Variants in TCERG1L observed in about 807,000 individuals in gnomAD.
TCERG1L encodes transcription elongation regulator 1 like, also known as transcription elongation regulator 1-like protein.
In TCERG1L, 37 loss-of-function variants were observed where a neutral mutation model predicts 56.3. That is an observed-to-expected ratio of 0.66 (90% confidence interval 0.51 to 0.87). The LOEUF is 0.87. Ranked by LOEUF, TCERG1L falls within the 40% of genes least tolerant of loss-of-function variation. TCERG1L has a pLI of 0.00. For missense variants in TCERG1L, 799 were observed against 774.2 expected, an observed-to-expected ratio of 1.03 and a Z score of -0.38; for synonymous variants, 324 against 326.3, an observed-to-expected ratio of 0.99 and a Z score of 0.08.
intron 4 of TCERG1L, among the ~76,000 whole-genome samples, chr10:131,183,692 C>A (rs1184996532): frequency 6.6e-6 from 1 of 152,244 alleles, no homozygotes; most frequent in Non-Finnish European, 1.5e-5. Context: ...CCGCCACTGA[C>A]TCCCCCCTCA....
chr10:131,100,028 T>C (rs1845290026), intron 10 of TCERG1L, among the ~76,000 whole-genome samples: 1 of 152,070 alleles, frequency 6.6e-6, no homozygotes. Flanking sequence ...CACGCCCAGC[T>C]AATTTTTTTT....
Position 131,134,446 on chromosome 10 carries a change from C to A in TCERG1L, c.1192G>T (p.Asp398Tyr). Reference sequence around the variant, plus strand: ...TCAGAACTGGACCCATCGCTGTTGTCAGCTGAAAGAAAATCAGATGAACAG... The same window carrying A: ...TCAGAACTGGACCCATCGCTGTTGTAAGCTGAAAGAAAATCAGATGAACAG... ...HKRKLEAPAT[D>Y]NSDGSSSEDN... Residue 398 changes from aspartate to tyrosine, a missense_variant and splice_region_variant, in exon 8 of 12, where the codon GAC becomes TAC. Asp to Tyr is a radical substitution (Grantham distance 160). Transcript: ENST00000368642. The A allele has an allele frequency of 6.3e-7, 1 of 1,589,214 alleles. No homozygotes were observed. Among genetic ancestry groups the A allele is most frequent in the South Asian group, 1.2e-5 (1 of 86,760 alleles).
chr10:131,105,852 T>C (rs1845347570), intron 9 of TCERG1L, among the ~76,000 whole-genome samples: 1 of 152,232 alleles, frequency 6.6e-6, no homozygotes, highest in South Asian at 2.1e-4. Flanking sequence ...CTGCTCAGCT[T>C]CTTTGAGGTT....
chr10:131,268,751 C>T (rs1846309857), intron 3 of TCERG1L, among the ~76,000 whole-genome samples: 1 of 152,222 alleles, frequency 6.6e-6, no homozygotes, highest in Non-Finnish European at 1.5e-5. Flanking sequence ...CCTCATGCAT[C>T]ACCTCTGTTA....
chr10:131,249,282 A>C (rs1263932737), intron 4 of TCERG1L, among the ~76,000 whole-genome samples: 1 of 152,254 alleles, frequency 6.6e-6, no homozygotes, highest in Non-Finnish European at 1.5e-5. Context: ...TCACTGTTGA[A>C]GAAAAATAAA....
At chr10:131,230,161 A>G (rs970875104) in intron 4 of TCERG1L, among the ~76,000 whole-genome samples, 1 of 152,008 alleles carries the variant, frequency 6.6e-6, no homozygotes, top group African/African-American at 2.4e-5. Flanking sequence ...ACCACCAAAG[A>G]GCAGAGGGGG....
chr10:131,277,369 A>C (rs549541798), intron 3 of TCERG1L, among the ~76,000 whole-genome samples: 1 of 152,226 alleles, frequency 6.6e-6, no homozygotes, highest in Admixed American at 6.5e-5. Flanking sequence ...CAAAGCTCTA[A>C]CAACCGGAGC....
intron 3 of TCERG1L, among the ~76,000 whole-genome samples, chr10:131,273,355 G>A (rs930060793): frequency 6.6e-5 from 10 of 152,282 alleles, no homozygotes; most frequent in African/African-American, 9.6e-5. Flanking sequence ...CGTGGGTCTG[G>A]AGTCACCAGG....
chr10:131,290,532 G>A (rs1248581501), intron 3 of TCERG1L, among the ~76,000 whole-genome samples: 1 of 150,666 alleles, frequency 6.6e-6, no homozygotes, highest in African/African-American at 2.4e-5. Context: ...TTGGGAGGCT[G>A]AGACAGGAGA....
chr10:131,124,474 C>G (rs368339564), intron 8 of TCERG1L, among the ~76,000 whole-genome samples: 17 of 152,296 alleles, frequency 1.1e-4, no homozygotes, highest in African/African-American at 3.8e-4. Context: ...TGTGAGTCTT[C>G]TGAATGAGTG....
chr10:131,257,771 A>T (rs572812914), intron 4 of TCERG1L, among the ~76,000 whole-genome samples: 2 of 152,292 alleles, frequency 1.3e-5, no homozygotes, highest in South Asian at 4.2e-4. Flanking sequence ...CACACTGCCA[A>T]ATACCCTCTG....
At chr10:131,148,480 A>G (rs1845825271) in intron 6 of TCERG1L, among the ~76,000 whole-genome samples, 1 of 152,092 alleles carries the variant, frequency 6.6e-6, no homozygotes, top group Admixed American at 6.5e-5. Context: ...ATACACAGAC[A>G]CATGCACACA....
chr10:131,285,543 AAAGAAAGGAAGG>A (rs1846527901), intron 3 of TCERG1L, among the ~76,000 whole-genome samples: 6 of 128,288 alleles, frequency 4.7e-5, no homozygotes, highest in Admixed American at 1.5e-4. Context: ...AAAAGAAAAG[AAAGAAAGGAAGG>A]AAGAAAGAAA....
intron 4 of TCERG1L, among the ~76,000 whole-genome samples, chr10:131,182,463 T>C (rs1302044191): frequency 6.6e-6 from 1 of 152,240 alleles, no homozygotes; most frequent in African/African-American, 2.4e-5. Context: ...AATCAGGATT[T>C]GTGATAAATC....
At chr10:131,100,603 A>G (rs555869315) in intron 10 of TCERG1L, among the ~76,000 whole-genome samples, 1 of 152,268 alleles carries the variant, frequency 6.6e-6, no homozygotes, top group African/African-American at 2.4e-5. Context: ...ACAAAACACT[A>G]TTTGTTGCCA....
chr10:131,213,001 T>A (rs1845633313), intron 4 of TCERG1L, among the ~76,000 whole-genome samples: 1 of 152,220 alleles, frequency 6.6e-6, no homozygotes, highest in Admixed American at 6.5e-5. Flanking sequence ...AAGACTTTAG[T>A]CACCCATCAG....
At chr10:131,288,776 G>A (rs989402413) in intron 3 of TCERG1L, among the ~76,000 whole-genome samples, 1 of 152,002 alleles carries the variant, frequency 6.6e-6, no homozygotes, top group Non-Finnish European at 1.5e-5. Context: ...GAGACACAGA[G>A]GTTGGAGAAT....
At chr10:131,180,654 A>G (rs556266115) in intron 4 of TCERG1L, among the ~76,000 whole-genome samples, 1 of 152,326 alleles carries the variant, frequency 6.6e-6, no homozygotes, top group Non-Finnish European at 1.5e-5. Context: ...TTGGAGCCGT[A>G]AAGTTAAAAT....
At chr10:131,306,683 A>T (rs1222798326) in intron 3 of TCERG1L, among the ~76,000 whole-genome samples, 1 of 152,172 alleles carries the variant, frequency 6.6e-6, no homozygotes, top group African/African-American at 2.4e-5. Flanking sequence ...GTAAAAATTT[A>T]AAAAATAGAT....
Sources: gnomAD v4.1 joint callset for allele counts (sites outside exome capture counted in the v4.1 genomes callset) on GRCh38, gnomAD v4.1.1 for gene constraint, MANE v1.5 for transcripts, NCBI Gene and HGNC (gene_info 2026-07-23, HGNC 2026-07-21) for gene names.